PRR12: variants seen among roughly 807,000 people sequenced by gnomAD.
PRR12 encodes proline rich 12, also known as proline-rich protein 12.
Under a neutral mutation model 138.0 loss-of-function variants are expected in PRR12, and 12 were observed. The ratio of observed to expected loss-of-function variants is 0.09; its 90% CI spans 0.06 to 0.14. The LOEUF (loss-of-function observed/expected upper bound fraction) is 0.14, where lower values mean the gene tolerates loss of function less well. PRR12 is among the 10% of genes least tolerant of loss of function. The pLI is 1.00. For missense variants in PRR12, 2,692 were observed against 2,861.3 expected (o/e 0.94, Z 1.35); for synonymous variants, 1,567 against 1,291.7 (o/e 1.21, Z -4.57).
Position 49,625,451 on chromosome 19 carries a change from A to G in PRR12, c.5965-10A>G. The G allele has an allele frequency of 6.3e-7, 1 of 1,596,122 alleles. No homozygotes were observed. The highest frequency in any genetic ancestry group is 8.5e-7 in the Non-Finnish European group (1 of 1,171,386). ...GCCACCCTCCCCAGTGCCATGTTTG[A>G]CCCCTGCAGACCCTGGCCATCGAGG... On this transcript the variant is annotated splice_polypyrimidine_tract_variant and intron_variant, in intron 13 of 13. Transcript: ENST00000418929. This position sits in a 1 kb window ranked among gnomAD's most constrained non-coding sequence, Gnocchi z 5.5.
At chr19:49,600,747 T>C (rs1599790309) in intron 5 of PRR12, among the ~76,000 whole-genome samples, 1 of 150,590 alleles carries the variant, frequency 6.6e-6, no homozygotes, top group Non-Finnish European at 1.5e-5. Flanking sequence ...CAGGCTGGAG[T>C]GTGGAGTGCA....
intron 6 of PRR12, among the ~76,000 whole-genome samples, chr19:49,602,861 T>C (rs1299280875): frequency 6.6e-6 from 1 of 152,238 alleles, no homozygotes; most frequent in African/African-American, 2.4e-5. Context: ...TGGCCATAGC[T>C]TCAATATTTA....
rs1404111586 is a variant in PRR12, at chr19:49,595,499, G to T, written c.1164G>T (p.Gly388=). 2.6e-6 allele frequency: 4 copies of T among 1,559,214 alleles called. No homozygotes were observed. The highest frequency in any genetic ancestry group is 2.6e-6 in the Non-Finnish European group (3 of 1,152,568). Residue 388 remains glycine (G), a synonymous_variant, in exon 4 of 14, where the codon GGG becomes GGT. Transcript: ENST00000418929. ...ACCGCCCCATCATTCAGTCGCCTGG[G>T]TACAAGACGGGCAAAGGTGGTTATG... ...GGYRPIIQSP[G]YKTGKGGYGA... is the part of the protein sequence containing the mutation.
intron 4 of PRR12, 83 bp downstream of exon 4, chr19:49,598,096 CA>C (rs2080787672): frequency 5.8e-6 from 7 of 1,205,300 alleles, no homozygotes; most frequent in African/African-American, 1.6e-5. Flanking sequence ...TTTTTTGAGA[CA>C]GAGTCTCGCT....
In PRR12 at chr19:49,594,231, C is replaced by G. The variant is rs564755392; in HGVS notation, c.200-223C>G. On this transcript the variant is annotated intron_variant, in intron 2 of 13. Coordinates refer to ENST00000418929, the MANE Select transcript of PRR12 (RefSeq NM_020719.3). The surrounding 1 kb of genome is among the most constrained non-coding windows in gnomAD (Gnocchi z 5.6). ...CTACCTGGGCCCCCTGTCCTTATGA[C>G]TGGATTGCCCCTTGTCTTGCTTTAC... is the stretch of plus-strand genomic sequence containing the variant. 1.3e-5 allele frequency among the ~76,000 whole-genome samples: 2 copies of G among 152,294 alleles called. No homozygotes were observed. Among genetic ancestry groups the G allele is most frequent in the South Asian group, 4.1e-4 (2 of 4,830 alleles).
rs537424923 is a variant in PRR12, at chr19:49,595,675, A to G, written c.1340A>G (p.Gln447Arg). Residue 447 changes from glutamine (Q) to arginine (R), a missense_variant, in exon 4 of 14, where the codon CAG becomes CGG. Around this residue, in one of 11 missense-constraint regions of PRR12, gnomAD observed 523 missense variants for 496.4 expected, o/e 1.05. Coordinates refer to ENST00000418929, the MANE Select transcript of PRR12 (RefSeq NM_020719.3). ...GAGGQAYSPG[Q>R]PQGLLGPQAY... ...GGGGGCCAGGCTTATTCCCCCGGTC[A>G]GCCTCAAGGGCTTCTGGGACCCCAG... The G allele has an allele frequency of 6.3e-7, 1 of 1,597,734 alleles. No individual in the cohort carries two copies. Among genetic ancestry groups the G allele is most frequent in the South Asian group, 1.1e-5 (1 of 89,094 alleles).
At chr19:49,613,064 C>T (rs986318245) in intron 6 of PRR12, among the ~76,000 whole-genome samples, 5 of 150,548 alleles carry the variant, frequency 3.3e-5, no homozygotes, top group Admixed American at 6.6e-5. Flanking sequence ...AGGACAAGCG[C>T]GGTGGCTCAT....
In PRR12 at chr19:49,595,819, A is replaced by G; in HGVS notation, c.1484A>G (p.Gln495Arg). Residue 495 changes from glutamine (Q) to arginine (R), a missense_variant, in exon 4 of 14, where the codon CAG becomes CGG. Physicochemically the swap from Gln to Arg is conservative, Grantham distance 43 (BLOSUM62 1). Transcript: ENST00000418929. ...CCTCCTCCTGGCCTGGCCACATGTCAGAGCTACTCCCCGGACCAGCTGCAG... is the reference window on the plus strand; with the variant it reads ...CCTCCTCCTGGCCTGGCCACATGTCGGAGCTACTCCCCGGACCAGCTGCAG... ...GPPPPGLATC[Q>R]SYSPDQLQGQ... 6.3e-7 allele frequency: 1 copy of G among 1,599,108 alleles called. No individual in the cohort carries two copies. Among genetic ancestry groups the G allele is most frequent in the Non-Finnish European group, 8.5e-7 (1 of 1,176,176 alleles).
chr19:49,611,216 G>A (rs549908108), intron 6 of PRR12, among the ~76,000 whole-genome samples: 18 of 152,214 alleles, frequency 1.2e-4, no homozygotes, highest in African/African-American at 3.8e-4. Context: ...CCAGCTACTT[G>A]GTGGGTAGGT....
At chr19:49,604,393 G>A (rs1417223667) in intron 6 of PRR12, among the ~76,000 whole-genome samples, 1 of 150,988 alleles carries the variant, frequency 6.6e-6, no homozygotes, top group Non-Finnish European at 1.5e-5. Context: ...TATTGACATC[G>A]TAGGCCAGGT....
chr19:49,606,746 A>G (rs2080840590), intron 6 of PRR12, among the ~76,000 whole-genome samples: 1 of 147,334 alleles, frequency 6.8e-6, no homozygotes. Flanking sequence ...TCCTGGGTTC[A>G]AGTGATTCTC....
intron 9 of PRR12, among the ~76,000 whole-genome samples, chr19:49,617,567 G>T (rs2080899308): frequency 6.6e-6 from 1 of 152,164 alleles, no homozygotes; most frequent in African/African-American, 2.4e-5. Context: ...TGAGTTCAAG[G>T]CTATGGTGAG....
chr19:49,615,966 A>G lies in PRR12; in HGVS notation c.5244A>G (p.Thr1748=), dbSNP rs11879756. 3.9e-3 allele frequency: 6,062 copies of G among 1,552,954 alleles called. 212 individuals are homozygous for G. In the African/African-American group the frequency reaches 0.071, roughly 18 times the overall value. Residue 1748 remains threonine (T), a synonymous_variant, in exon 9 of 14, where the codon ACA becomes ACG. Coordinates refer to ENST00000418929, the MANE Select transcript of PRR12 (RefSeq NM_020719.3). The part of the protein sequence containing the change: ...VEKEKEKEKV[T]RGERPLRGER... ...AGGAAAAGGAGAAGGAGAAGGTGACACGTGGAGAGCGGCCATTGCGGGGTG... is the reference window on the plus strand; with the variant it reads ...AGGAAAAGGAGAAGGAGAAGGTGACGCGTGGAGAGCGGCCATTGCGGGGTG...
At chr19:49,613,446 C>T (rs190945817) in intron 6 of PRR12, among the ~76,000 whole-genome samples, 11 of 152,272 alleles carry the variant, frequency 7.2e-5, no homozygotes, top group Admixed American at 2.0e-4. Context: ...CCATATTTCG[C>T]GCCTCTGCTG....
At chr19:49,600,667 AAAAAC>A (rs754798429) in intron 5 of PRR12, among the ~76,000 whole-genome samples, 30 of 151,798 alleles carry the variant, frequency 2.0e-4, no homozygotes, top group Admixed American at 4.6e-4. Flanking sequence ...AAAAAACCCC[AAAAAC>A]AAAACAAAAA....
At chr19:49,593,845 TTTATC>T (rs1282603219) in intron 2 of PRR12, among the ~76,000 whole-genome samples, 1 of 152,154 alleles carries the variant, frequency 6.6e-6, no homozygotes, top group Non-Finnish European at 1.5e-5. Flanking sequence ...CCCGCCCTGT[TTTATC>T]TTATTTTGCC....
intron 11 of PRR12, among the ~76,000 whole-genome samples, chr19:49,622,769 G>A (rs868149836): frequency 6.6e-5 from 10 of 150,534 alleles, no homozygotes; most frequent in Middle Eastern, 3.4e-3. Flanking sequence ...GCGGGCGCCT[G>A]TAGTCCCAGC....
rs769414807 is a variant in PRR12, at chr19:49,599,599, C to T, written c.4006C>T (p.Pro1336Ser). 7.5e-6 allele frequency: 12 copies of T among 1,598,516 alleles called. No homozygotes were observed. The highest frequency in any genetic ancestry group is 1.3e-5 in the African/African-American group (1 of 74,558). The change falls in exon 5 of 14, where the codon CCA becomes TCA. Residue 1336 changes from proline (P) to serine (S), a missense_variant. By Grantham distance (74) the Pro-to-Ser change is moderately conservative (BLOSUM62 -1). Around this residue, in one of 11 missense-constraint regions of PRR12, gnomAD observed 326 missense variants for 344.2 expected, o/e 0.95. Coordinates refer to ENST00000418929, the MANE Select transcript of PRR12 (RefSeq NM_020719.3). The surrounding 1 kb of genome is among the most constrained non-coding windows in gnomAD (Gnocchi z 5.0). Reference protein sequence around the residue: ...PPATPAVPHPPPSGAFGLGGA... With the variant: ...PPATPAVPHPSPSGAFGLGGA... Reference sequence around the variant, plus strand: ...TGCCACCCCTGCTGTGCCACATCCCCCACCTTCCGGAGCCTTTGGGCTTGG... The same window carrying T: ...TGCCACCCCTGCTGTGCCACATCCCTCACCTTCCGGAGCCTTTGGGCTTGG...
chr19:49,613,938 G>A (rs750019087), intron 6 of PRR12, among the ~76,000 whole-genome samples: 2 of 152,066 alleles, frequency 1.3e-5, no homozygotes, highest in Admixed American at 6.6e-5. Flanking sequence ...GAGAAACCCC[G>A]TCTCTACTAA....
Sources: allele counts gnomAD v4.1 joint callset (sites outside exome capture counted in the v4.1 genomes callset), GRCh38; gene constraint gnomAD v4.1.1; regional missense constraint gnomAD v4.1.1; non-coding constraint Gnocchi (gnomAD v3.1); transcripts MANE v1.5; gene names NCBI Gene and HGNC (gene_info 2026-07-23, HGNC 2026-07-21).